Variants in PGCKA1 observed in about 807,000 individuals in gnomAD.
The protein encoded by PGCKA1 is PDCD10 and GCKIII kinases-associated protein 1.
At chr4:37,530,834 G>A in the PGCKA1 span, among the ~76,000 whole-genome samples, 1 of 151,914 alleles carries the variant, frequency 6.6e-6, no homozygotes, top group East Asian at 1.9e-4. Flanking sequence ...CAAAAAATTA[G>A]CCGGGTGTGG....
chr4:37,544,965 C>T, the PGCKA1 span, among the ~76,000 whole-genome samples: 6 of 151,866 alleles, frequency 4.0e-5, no homozygotes, highest in East Asian at 1.2e-3. Context: ...AAGTGATTCT[C>T]CTGCCTCAGC....
chr4:37,530,858 AC>A, the PGCKA1 span, among the ~76,000 whole-genome samples: 1 of 151,572 alleles, frequency 6.6e-6, no homozygotes, highest in South Asian at 2.1e-4. Flanking sequence ...GGTGGTGGGC[AC>A]CTGTAATCTC....
chr4:37,495,207 G>C, the PGCKA1 span, among the ~76,000 whole-genome samples: 2 of 152,016 alleles, frequency 1.3e-5, no homozygotes, highest in Admixed American at 6.6e-5. Flanking sequence ...TTAGAATGGC[G>C]ATCATTCTTA....
the PGCKA1 span, among the ~76,000 whole-genome samples, chr4:37,566,773 G>C: frequency 6.6e-6 from 1 of 152,112 alleles, no homozygotes; most frequent in East Asian, 1.9e-4. Context: ...TAGAGATAGG[G>C]TTCCACCATG....
chr4:37,562,265 A>C, the PGCKA1 span, among the ~76,000 whole-genome samples: 1 of 152,268 alleles, frequency 6.6e-6, no homozygotes, highest in Admixed American at 6.5e-5. Flanking sequence ...GAATCCACAA[A>C]TAATGAGAAC....
At chr4:37,464,690 A>G in the PGCKA1 span, among the ~76,000 whole-genome samples, 6 of 152,250 alleles carry the variant, frequency 3.9e-5, no homozygotes, top group African/African-American at 1.4e-4. Flanking sequence ...TTTCAAGCTT[A>G]AACTCTTGGG....
chr4:37,479,410 G>A, the PGCKA1 span, among the ~76,000 whole-genome samples: 1 of 151,706 alleles, frequency 6.6e-6, no homozygotes, highest in South Asian at 2.1e-4. Flanking sequence ...TTTCAGATAG[G>A]CCCTCCCCAA....
chr4:37,582,041 G>A, the PGCKA1 span, among the ~76,000 whole-genome samples: 1 of 152,098 alleles, frequency 6.6e-6, no homozygotes, highest in South Asian at 2.1e-4. Context: ...CTCTGATAGG[G>A]CAGCACTGAG....
At chr4:37,465,671 T>G in the PGCKA1 span, among the ~76,000 whole-genome samples, 1 of 152,114 alleles carries the variant, frequency 6.6e-6, no homozygotes, top group South Asian at 2.1e-4. Flanking sequence ...CAGTGGATGT[T>G]AAAAACTCCA....
chr4:37,498,684 C>G, the PGCKA1 span, among the ~76,000 whole-genome samples: 1 of 152,012 alleles, frequency 6.6e-6, no homozygotes, highest in African/African-American at 2.4e-5. Flanking sequence ...GATTTTGTAT[C>G]CTGACAGTTT....
the PGCKA1 span, chr4:37,588,533 T>C: frequency 4.0e-6 from 1 of 251,026 alleles, no homozygotes. Flanking sequence ...CAGAAGTCCC[T>C]TCTCTGTCTA....
chr4:37,481,464 C>CA, the PGCKA1 span, among the ~76,000 whole-genome samples: 80 of 61,438 alleles, frequency 1.3e-3, 5 homozygotes, highest in African/African-American at 5.6e-3. Context: ...GACCTGTCTC[C>CA]AAAAAAAAAA....
the PGCKA1 span, among the ~76,000 whole-genome samples, chr4:37,473,106 T>G: frequency 6.6e-6 from 1 of 152,158 alleles, no homozygotes; most frequent in African/African-American, 2.4e-5. Flanking sequence ...TAGGGAAAAT[T>G]AGATCCTAAA....
chr4:37,509,212 G>C, the PGCKA1 span, among the ~76,000 whole-genome samples: 5 of 146,004 alleles, frequency 3.4e-5, no homozygotes, highest in South Asian at 2.2e-4. Context: ...CAGACGGGGT[G>C]GCGGCCAGGC....
At chr4:37,589,761 A>C in the PGCKA1 span, among the ~76,000 whole-genome samples, 1 of 152,116 alleles carries the variant, frequency 6.6e-6, no homozygotes, top group Non-Finnish European at 1.5e-5. Context: ...CCTCCCGAGT[A>C]GCTGGGATTA....
chr4:37,535,561 T>C, the PGCKA1 span, among the ~76,000 whole-genome samples: 1 of 152,162 alleles, frequency 6.6e-6, no homozygotes, highest in Non-Finnish European at 1.5e-5. Context: ...TCGCTCCACC[T>C]CTACCTGGAT....
the PGCKA1 span, among the ~76,000 whole-genome samples, chr4:37,551,689 G>A: frequency 4.6e-5 from 7 of 152,228 alleles, no homozygotes; most frequent in Admixed American, 2.0e-4. Flanking sequence ...CCGTAAAAGT[G>A]TAGCACAGAT....
chr4:37,467,255 A>G, the PGCKA1 span, among the ~76,000 whole-genome samples: 1 of 152,248 alleles, frequency 6.6e-6, no homozygotes, highest in Admixed American at 6.5e-5. Context: ...TTTTAATAAA[A>G]TAGGAATGAT....
At chr4:37,456,589 T>C in the PGCKA1 span, among the ~76,000 whole-genome samples, 2 of 152,222 alleles carry the variant, frequency 1.3e-5, no homozygotes, top group East Asian at 3.9e-4. Flanking sequence ...TGAACTCTGT[T>C]CTGTTCAGTG....
Sources: allele counts gnomAD v4.1 joint callset (sites outside exome capture counted in the v4.1 genomes callset), GRCh38; gene constraint gnomAD v4.1.1; transcripts MANE v1.5; gene names NCBI Gene and HGNC (gene_info 2026-07-23, HGNC 2026-07-21).